Variants in SEMA3E observed in about 807,000 individuals in gnomAD.
SEMA3E encodes semaphorin-3E.
A neutral mutation model predicts 93.6 loss-of-function variants in SEMA3E; 49 were observed. That is an observed-to-expected ratio of 0.52 (90% CI 0.42 to 0.66). SEMA3E has a LOEUF of 0.66. Among genes scored for constraint, SEMA3E ranks in the 30% least tolerant of loss-of-function variants. The pLI, the probability that SEMA3E is intolerant of heterozygous loss-of-function variation, is 0.00. For synonymous variants in SEMA3E, 363 were observed against 330.7 expected, an observed-to-expected ratio of 1.10 and a Z score of -1.06; for missense variants, 906 against 964.8, an observed-to-expected ratio of 0.94 and a Z score of 0.81.
At chr7:83,630,575 A>T (rs1047340441) in intron 1 of SEMA3E, among the ~76,000 whole-genome samples, 1 of 152,160 alleles carries the variant, frequency 6.6e-6, no homozygotes, top group Admixed American at 6.5e-5. Context: ...ATCTTCTGAG[A>T]TCAGACATCC....
chr7:83,368,091 A>T, intron 16 of SEMA3E, 53 bp from the exon 17 acceptor site: 1 of 1,499,216 alleles, frequency 6.7e-7, no homozygotes, highest in Non-Finnish European at 9.3e-7. Context: ...AGAAAATAAC[A>T]ATCCATCACC....
chr7:83,410,648 G>C (rs1015859259), intron 5 of SEMA3E, among the ~76,000 whole-genome samples: 2 of 152,016 alleles, frequency 1.3e-5, no homozygotes. Context: ...GCATTCAGTG[G>C]TTAGGAATAT....
chr7:83,441,946 T>C (rs1021885154), intron 4 of SEMA3E, among the ~76,000 whole-genome samples: 2 of 152,196 alleles, frequency 1.3e-5, no homozygotes, highest in Non-Finnish European at 2.9e-5. Context: ...TTTCAACTTG[T>C]CTCTGTTCTT....
intron 1 of SEMA3E, among the ~76,000 whole-genome samples, chr7:83,624,985 C>A (rs1349569691): frequency 1.3e-5 from 2 of 152,110 alleles, no homozygotes; most frequent in Non-Finnish European, 1.5e-5. Flanking sequence ...ATAGGGAATC[C>A]TTTCCCCATT....
rs2115590385 is a variant in SEMA3E at position 83,612,664 on chromosome 7, T to A, written c.115+35764A>T. On this transcript the variant is annotated intron_variant, in intron 1 of 16. Coordinates refer to ENST00000643230, the MANE Select transcript of SEMA3E (RefSeq NM_012431.3). ...CAGTTTGAACATTCCTTGCTTAATT[T>A]AGCCCTGGATTTTAAAGAACAGAGT... 4 of 152,208 alleles carry A rather than the reference T, an allele frequency of 2.6e-5. No homozygotes were observed. In the Middle Eastern group the frequency reaches 0.014, roughly 518 times the overall value. The allele number at this position is 152,208 out of a possible 1,614,324, so 9.4% of individuals were successfully genotyped here.
intron 16 of SEMA3E, among the ~76,000 whole-genome samples, chr7:83,375,834 A>T (rs902332736): frequency 6.6e-6 from 1 of 152,066 alleles, no homozygotes; most frequent in African/African-American, 2.4e-5. Context: ...CTCTAGATTC[A>T]TTCCTCTTGT....
At chr7:83,616,364 T>C (rs892862409) in intron 1 of SEMA3E, among the ~76,000 whole-genome samples, 8 of 152,164 alleles carry the variant, frequency 5.3e-5, no homozygotes, top group African/African-American at 1.4e-4. Context: ...ATGTGTGTTA[T>C]AGACCAAACA....
At chr7:83,443,916 GATATATAT>G (rs60405752) in intron 4 of SEMA3E, among the ~76,000 whole-genome samples, 2,680 of 147,432 alleles carry the variant, frequency 0.018, 85 homozygotes, top group African/African-American at 0.061. Context: ...ATAATGACCT[GATATATAT>G]ATATATATAT....
At chr7:83,504,037 C>G (rs962340332) in intron 1 of SEMA3E, among the ~76,000 whole-genome samples, 1 of 152,134 alleles carries the variant, frequency 6.6e-6, no homozygotes, top group Non-Finnish European at 1.5e-5. Context: ...CAAATTTAAT[C>G]CTATAAAATA....
chr7:83,497,655 A>G (rs17157660), intron 1 of SEMA3E, among the ~76,000 whole-genome samples: 3,281 of 152,324 alleles, frequency 0.022, 120 homozygotes, highest in African/African-American at 0.076. Flanking sequence ...AGATTCGTAA[A>G]GAAATAAGCA....
chr7:83,576,058 A>G (rs560829512), intron 1 of SEMA3E, among the ~76,000 whole-genome samples: 49 of 152,310 alleles, frequency 3.2e-4, no homozygotes, highest in African/African-American at 9.9e-4. Context: ...AATTATATGT[A>G]TTGGCATATA....
chr7:83,469,771 C>T (rs550037808), intron 2 of SEMA3E, among the ~76,000 whole-genome samples: 3 of 152,182 alleles, frequency 2.0e-5, no homozygotes, highest in Admixed American at 6.5e-5. Flanking sequence ...ATACACCATA[C>T]TGTCTCTTTG....
intron 1 of SEMA3E, among the ~76,000 whole-genome samples, chr7:83,548,135 C>T (rs1791687381): frequency 6.6e-6 from 1 of 152,026 alleles, no homozygotes; most frequent in African/African-American, 2.4e-5. Context: ...CTGTATCTAT[C>T]CTGAGGCCTT....
chr7:83,440,833 C>A (rs898001775), intron 4 of SEMA3E, among the ~76,000 whole-genome samples: 1 of 149,372 alleles, frequency 6.7e-6, no homozygotes, highest in Non-Finnish European at 1.5e-5. Context: ...AGATAAAAGT[C>A]TGTAGGACAG....
intron 1 of SEMA3E, among the ~76,000 whole-genome samples, chr7:83,518,480 G>A (rs1790979602): frequency 6.6e-6 from 1 of 152,088 alleles, no homozygotes; most frequent in African/African-American, 2.4e-5. Context: ...TTTGGTTTCA[G>A]TCTAATGTGG....
At chr7:83,403,489 AG>A (rs1401485408) in intron 9 of SEMA3E, among the ~76,000 whole-genome samples, 1 of 151,974 alleles carries the variant, frequency 6.6e-6, no homozygotes, top group East Asian at 1.9e-4. Flanking sequence ...AACTGTGGCA[AG>A]TTTTATTGAA....
At chr7:83,552,951 C>T (rs1791796890) in intron 1 of SEMA3E, among the ~76,000 whole-genome samples, 1 of 146,910 alleles carries the variant, frequency 6.8e-6, no homozygotes, top group Admixed American at 6.7e-5. Context: ...GCCCTTTGTC[C>T]TGTTCCCTCA....
At chr7:83,485,668 T>C (rs959322662) in intron 2 of SEMA3E, among the ~76,000 whole-genome samples, 2 of 151,756 alleles carry the variant, frequency 1.3e-5, no homozygotes, top group Non-Finnish European at 2.9e-5. Context: ...ACAGAATATA[T>C]ACTGTATGGG....
chr7:83,528,717 A>G (rs1235788897), intron 1 of SEMA3E, among the ~76,000 whole-genome samples: 1 of 152,152 alleles, frequency 6.6e-6, no homozygotes, highest in Non-Finnish European at 1.5e-5. Flanking sequence ...CCAATAAAAT[A>G]AAATATAATC....
Sources: gnomAD v4.1 joint callset for allele counts (sites outside exome capture counted in the v4.1 genomes callset) on GRCh38, gnomAD v4.1.1 for gene constraint, MANE v1.5 for transcripts, NCBI Gene and HGNC (gene_info 2026-07-23, HGNC 2026-07-21) for gene names.